HERC5: variants seen among roughly 807,000 people sequenced by gnomAD.
HERC5 encodes HECT and RLD domain containing E3 ubiquitin protein ligase 5, also known as E3 ISG15--protein ligase HERC5.
HERC5 carries 99 observed loss-of-function variants against 119.6 expected under a neutral mutation model. That is an observed-to-expected ratio of 0.83 (90% CI 0.70 to 0.98). The LOEUF is 0.98. HERC5 is among the 50% of genes least tolerant of loss of function. The pLI, the probability that HERC5 is intolerant of heterozygous loss-of-function variation, is 0.00. For synonymous variants in HERC5, 478 were observed against 445.9 expected, an observed-to-expected ratio of 1.07 and a Z score of -0.91; for missense variants, 1,267 against 1,241.3, an observed-to-expected ratio of 1.02 and a Z score of -0.31.
chr4:88,476,128 A>AT (rs529969651), intron 12 of HERC5, 98 bp downstream of exon 12: 389 of 921,226 alleles, frequency 4.2e-4, no homozygotes, highest in South Asian at 7.2e-4. Flanking sequence ...AAATGTATTC[A>AT]TTTTTTTTTA....
At chr4:88,496,281 T>C (rs747077893) in intron 18 of HERC5, among the ~76,000 whole-genome samples, 1 of 152,210 alleles carries the variant, frequency 6.6e-6, no homozygotes, top group Non-Finnish European at 1.5e-5. Context: ...AGGAGGCTTT[T>C]TATTAAACTT....
rs1021580778 is a variant in HERC5, at chr4:88,457,128, G to A, written c.-142G>A. The A allele has an allele frequency of 8.1e-7, 1 of 1,232,498 alleles. No homozygotes were observed. The highest frequency in any genetic ancestry group is 1.6e-5 in the African/African-American group (1 of 64,444). 76.3% of individuals were successfully genotyped at this position (1,232,498 alleles called of 1,614,324 possible). On this transcript the variant is annotated 5_prime_UTR_variant, in exon 1 of 23. Coordinates refer to ENST00000264350, the MANE Select transcript of HERC5 (RefSeq NM_016323.4). The stretch of plus-strand genomic sequence containing the variant: ...GTCCCGGCAGGGGCTCAGTAGCTGA[G>A]GCTGCGGTTCCCCGACGCCACGCAG...
chr4:88,473,800 CTG>C (rs1325606163), intron 11 of HERC5: 2 of 152,192 alleles, frequency 1.3e-5, no homozygotes, highest in African/African-American at 4.8e-5. Flanking sequence ...TTTTGTGCGT[CTG>C]TGAAGGGAAG....
Position 88,469,157 on chromosome 4 carries a change from A to T in HERC5, c.1135A>T (p.Asn379Tyr). 6.3e-7 allele frequency: 1 copy of T among 1,590,090 alleles called. No homozygotes were observed. Among genetic ancestry groups the T allele is most frequent in the Non-Finnish European group, 8.6e-7 (1 of 1,160,290 alleles). ...QSILLWIKKE[N>Y]SYVNLKRTIP... The stretch of plus-strand genomic sequence containing the variant: ...ATTTTACTTTCCTGTTTGTTTACAG[A>T]ATTCATATGTTAATCTGAAGAGGAC... Residue 379 changes from asparagine to tyrosine, a missense_variant and splice_region_variant, in exon 9 of 23, where the codon AAT (asparagine) becomes TAT (tyrosine). This residue lies in a region of HERC5 where 777 missense variants were observed against 758.0 expected (regional missense o/e 1.03). Transcript: ENST00000264350.
At chr4:88,501,441 T>G (rs986564579) in intron 20 of HERC5, among the ~76,000 whole-genome samples, 7 of 152,178 alleles carry the variant, frequency 4.6e-5, no homozygotes, top group Admixed American at 3.3e-4. Flanking sequence ...TAGTAAGTAT[T>G]TGTTGAAAAG....
intron 15 of HERC5, 79 bp downstream of exon 15, chr4:88,487,258 T>TCACCCCCA: frequency 1.3e-6 from 1 of 749,552 alleles, no homozygotes; most frequent in Non-Finnish European, 2.2e-6. Flanking sequence ...TTGGGGGTGA[T>TCACCCCCA]AAGAGAACCA....
chr4:88,505,533 A>G, intron 22 of HERC5, 140 bp from the exon 23 acceptor site: 1 of 609,672 alleles, frequency 1.6e-6, no homozygotes, highest in Admixed American at 3.1e-5. Context: ...TTGTTCGAAT[A>G]CAATCCCCAA....
chr4:88,474,026 C>G (rs1047223586), intron 11 of HERC5: 3 of 152,134 alleles, frequency 2.0e-5, no homozygotes, highest in Non-Finnish European at 4.4e-5. Flanking sequence ...GGCATGTGTT[C>G]ATTTATTCAG....
At position 88,457,244 on chromosome 4, in the gene HERC5, T is replaced by C; in HGVS notation, c.-26T>C. On this transcript the variant is annotated 5_prime_UTR_variant, in exon 1 of 23. Coordinates refer to ENST00000264350, the MANE Select transcript of HERC5 (RefSeq NM_016323.4). ...ACCAGGCGTTCTCTCCTCTCGCCTC[T>C]GGGCCTGGGACCCCGCAAAGCGGCG... 7.6e-7 allele frequency: 1 copy of C among 1,308,718 alleles called. No individual in the cohort carries two copies. Among genetic ancestry groups the C allele is most frequent in the Non-Finnish European group, 9.7e-7 (1 of 1,028,250 alleles). The allele number at this position is 1,308,718 out of a possible 1,614,324, so 81.1% of individuals were successfully genotyped here.
chr4:88,459,460 A>G lies in HERC5; in HGVS notation c.379A>G (p.Lys127Glu). The G allele has an allele frequency of 6.4e-7, 1 of 1,555,186 alleles. No homozygotes were observed. Among genetic ancestry groups the G allele is most frequent in the Non-Finnish European group, 8.7e-7 (1 of 1,154,498 alleles). Residue 127 changes from lysine to glutamate, a missense_variant, in exon 2 of 23, where the codon AAA becomes GAA. Lys to Glu is a moderately conservative substitution (Grantham distance 56). Coordinates refer to ENST00000264350, the MANE Select transcript of HERC5 (RefSeq NM_016323.4). ...ATTTGAGTATGACAACTATAGCATG[A>G]AACATCTAAGGTAGGGAACTTTTTT... ...KPFEYDNYSM[K>E]HLRFESILQE... is the part of the protein sequence containing the mutation.
chr4:88,479,137 T>G lies in HERC5; in HGVS notation c.1583-216T>G, dbSNP rs573098936. ...CTTGTCTCTATAAAAATACAAAAAT[T>G]AGCCGGGCATGGTGGTAGGCGCCTG... On this transcript the variant is annotated intron_variant, in intron 12 of 22. Transcript: ENST00000264350. Among the ~76,000 whole-genome samples the G allele has an allele frequency of 2.2e-4, 34 of 151,938 alleles. No homozygotes were observed. The East Asian group carries it at 5.5e-3, about 24-fold the overall frequency.
chr4:88,457,328 C>T lies in HERC5; in HGVS notation c.59C>T (p.Ala20Val), dbSNP rs1192383918. The T allele has an allele frequency of 7.1e-7, 1 of 1,399,644 alleles. No individual in the cohort carries two copies. The highest frequency in any genetic ancestry group is 9.3e-7 in the Non-Finnish European group (1 of 1,079,878). The allele number at this position is 1,399,644 out of a possible 1,614,324, so 86.7% of individuals were successfully genotyped here. ...RRNGRSTAGK[A>V]AATQPAKSPG... Reference sequence around the variant, plus strand: ...AACGGGCGCTCGACCGCGGGCAAGGCCGCCGCGACCCAGCCCGCGAAGTCT... The same window carrying T: ...AACGGGCGCTCGACCGCGGGCAAGGTCGCCGCGACCCAGCCCGCGAAGTCT... The change falls in exon 1 of 23, where the codon GCC becomes GTC. Residue 20 changes from alanine to valine, a missense_variant. By Grantham distance (64) the Ala-to-Val change is moderately conservative. Transcript: ENST00000264350.
At position 88,505,705 on chromosome 4, in the gene HERC5, A is replaced by G. The variant is rs760600916; in HGVS notation, c.2902A>G (p.Lys968Glu). The G allele has an allele frequency of 2.5e-6, 4 of 1,588,866 alleles. No homozygotes were observed. The highest frequency in any genetic ancestry group is 3.5e-6 in the Non-Finnish European group (4 of 1,159,090). ...FLTGTDRLQMKDLNNMKITFC... is the reference protein window; with the variant it reads ...FLTGTDRLQMEDLNNMKITFC... ...TACAGGAACTGACAGACTACAAATG[A>G]AAGATTTAAATAATATGAAAATAAC... Residue 968 changes from lysine to glutamate, a missense_variant, in exon 23 of 23, where the codon AAA becomes GAA. This residue lies in a region of HERC5 where 473 missense variants were observed against 445.7 expected (regional missense o/e 1.06). Coordinates refer to ENST00000264350, the MANE Select transcript of HERC5 (RefSeq NM_016323.4).
At chr4:88,500,266 C>A (rs1451745206) in intron 19 of HERC5, among the ~76,000 whole-genome samples, 1 of 152,190 alleles carries the variant, frequency 6.6e-6, no homozygotes, top group African/African-American at 2.4e-5. Flanking sequence ...GTATCACTCA[C>A]ATGCCCAGTC....
At chr4:88,460,793 A>G (rs1480367932) in intron 3 of HERC5, among the ~76,000 whole-genome samples, 3 of 152,136 alleles carry the variant, frequency 2.0e-5, no homozygotes, top group Non-Finnish European at 4.4e-5. Context: ...GTTTGAGACC[A>G]GCCTGGACAA....
chr4:88,497,852 C>T lies in HERC5; in HGVS notation c.2445-2074C>T, dbSNP rs868826592. 3.3e-5 allele frequency among the ~76,000 whole-genome samples: 5 copies of T among 152,310 alleles called. No homozygotes were observed. In the South Asian group the frequency reaches 8.3e-4, roughly 25 times the overall value. On this transcript the variant is annotated intron_variant, in intron 18 of 22. Coordinates refer to ENST00000264350, the MANE Select transcript of HERC5 (RefSeq NM_016323.4). Reference sequence around the variant, plus strand: ...GATCCCAAAGGCATTTCAGAGATCACTGGGGGCTGTCACTCCCATCATAGG... The same window carrying T: ...GATCCCAAAGGCATTTCAGAGATCATTGGGGGCTGTCACTCCCATCATAGG...
chr4:88,467,338 A>C (rs1487486009), intron 7 of HERC5, 134 bp downstream of exon 7: 4 of 818,188 alleles, frequency 4.9e-6, no homozygotes, highest in Admixed American at 5.4e-5. Flanking sequence ...TTCATTTTTT[A>C]CTGGTAAACA....
At chr4:88,492,588 A>G (rs952250596) in intron 16 of HERC5, among the ~76,000 whole-genome samples, 5 of 151,826 alleles carry the variant, frequency 3.3e-5, no homozygotes, top group African/African-American at 1.2e-4. Flanking sequence ...TACTTAAAAT[A>G]CAAAAAAATT....
At position 88,457,339 on chromosome 4, in the gene HERC5, C is replaced by T; in HGVS notation, c.70C>T (p.Gln24Ter). ...GACCGCGGGCAAGGCCGCCGCGACC[C>T]AGCCCGCGAAGTCTCCGGGCGCACA... ...RSTAGKAAAT[Q>*]PAKSPGAQLW... The change falls in exon 1 of 23, where the codon CAG (glutamine) becomes TAG (stop). Residue 24 changes from glutamine (Q) to a stop codon, truncating the protein, a stop_gained. Coordinates refer to ENST00000264350, the MANE Select transcript of HERC5 (RefSeq NM_016323.4). LOFTEE classifies it high-confidence loss of function. 1 of 1,410,790 alleles carries T rather than the reference C, an allele frequency of 7.1e-7. No individual in the cohort carries two copies. The highest frequency in any genetic ancestry group is 9.2e-7 in the Non-Finnish European group (1 of 1,084,844). 87.4% of individuals were successfully genotyped at this position (1,410,790 alleles called of 1,614,324 possible). A position where few individuals can be genotyped will look rare whatever the true frequency, so the allele number is the denominator to read the frequency against.
Sources: allele counts gnomAD v4.1 joint callset (sites outside exome capture counted in the v4.1 genomes callset), GRCh38; gene constraint gnomAD v4.1.1; regional missense constraint gnomAD v4.1.1; transcripts MANE v1.5; gene names NCBI Gene and HGNC (gene_info 2026-07-23, HGNC 2026-07-21).